The following CCDC148 variants were observed in gnomAD, a reference collection of about 807,000 sequenced individuals.
CCDC148 encodes the protein coiled-coil domain-containing protein 148.
In CCDC148, 89 loss-of-function variants were observed where a neutral mutation model predicts 85.7. The observed-to-expected ratio is 1.04, with a 90% CI of 0.87 to 1.24. The LOEUF is 1.24. CCDC148 is among the 50% of genes most tolerant of loss of function. CCDC148 has a pLI of 0.00. For synonymous variants in CCDC148, 230 were observed against 213.9 expected (o/e 1.08, Z -0.66); for missense variants, 692 against 671.7 (o/e 1.03, Z -0.33).
intron 10 of CCDC148, chr2:158,236,157 CT>C (rs1688096396): frequency 1.3e-5 from 2 of 152,194 alleles, no homozygotes; most frequent in Admixed American, 1.3e-4. Flanking sequence ...ATAAATAACA[CT>C]AATCTCTTTT....
chr2:158,229,465 A>G (rs1574451275), intron 10 of CCDC148, among the ~76,000 whole-genome samples: 1 of 152,346 alleles, frequency 6.6e-6, no homozygotes, highest in East Asian at 1.9e-4. Flanking sequence ...TATGGTTTCA[A>G]TTGAATCTTC....
intron 11 of CCDC148, among the ~76,000 whole-genome samples, chr2:158,205,158 G>A (rs2105286315): frequency 6.6e-6 from 1 of 152,310 alleles, no homozygotes; most frequent in Admixed American, 6.5e-5. Context: ...CAATTCAGGT[G>A]AGAGGATGGT....
intron 1 of CCDC148, among the ~76,000 whole-genome samples, chr2:158,396,078 C>A (rs1164027286): frequency 6.6e-6 from 1 of 152,074 alleles, no homozygotes; most frequent in Admixed American, 6.6e-5. Context: ...CACTCATTGA[C>A]ATGGTTTGAA....
chr2:158,200,443 TA>T lies in CCDC148; in HGVS notation c.1370+20151del, dbSNP rs780477769. On this transcript the variant is annotated intron_variant, in intron 11 of 13. Transcript: ENST00000283233. ...CTGGGACCAAATCCAATCTACTGCT[TA>T]TTTTTATAAATAAAGTTTTATTGGC... Among the ~76,000 whole-genome samples the T allele has an allele frequency of 8.3e-4, 127 of 152,338 alleles. 2 individuals are homozygous for T. In the Middle Eastern group the frequency reaches 0.017, roughly 20 times the overall value.
At chr2:158,285,904 CA>C (rs1187049601) in intron 9 of CCDC148, among the ~76,000 whole-genome samples, 1 of 152,022 alleles carries the variant, frequency 6.6e-6, no homozygotes, top group African/African-American at 2.4e-5. Context: ...TGGCCCTTAT[CA>C]ATGCTTCTAT....
At chr2:158,176,773 G>T in intron 12 of CCDC148, 112 bp from the exon 13 acceptor site, 1 of 1,234,952 alleles carries the variant, frequency 8.1e-7, no homozygotes, top group Non-Finnish European at 1.1e-6. Context: ...TAAAGGTAAA[G>T]CCTGAGAGGA....
At chr2:158,413,875 T>G (rs1036733455) in intron 1 of CCDC148, among the ~76,000 whole-genome samples, 2 of 152,190 alleles carry the variant, frequency 1.3e-5, no homozygotes, top group Non-Finnish European at 2.9e-5. Flanking sequence ...ATCTTTCAAA[T>G]TTTTATCATA....
At chr2:158,225,965 C>T (rs1253478961) in intron 10 of CCDC148, among the ~76,000 whole-genome samples, 6 of 152,140 alleles carry the variant, frequency 3.9e-5, no homozygotes, top group African/African-American at 1.4e-4. Context: ...CAGAGCAGAA[C>T]TGAGGGAAAT....
rs190578054 is a variant in CCDC148, at chr2:158,222,244, T to C, written c.1252-1531A>G. Among the ~76,000 whole-genome samples, 16 of 152,256 alleles carry C rather than the reference T, an allele frequency of 1.1e-4. No individual in the cohort carries two copies. The East Asian group carries it at 3.1e-3, about 29-fold the overall frequency. ...GGCCTTGGAGAAAGTCAGTGGCTCT[T>C]TTGCAGACAATTCCTTGACCACAAG... On this transcript the variant is annotated intron_variant, in intron 10 of 13. Coordinates refer to ENST00000283233, the MANE Select transcript of CCDC148 (RefSeq NM_138803.4).
chr2:158,344,123 C>A (rs77264977), intron 3 of CCDC148, among the ~76,000 whole-genome samples: 8,494 of 152,118 alleles, frequency 0.056, 509 homozygotes, highest in African/African-American at 0.15. Flanking sequence ...ATTAAAGCTT[C>A]CTAATGGCTT....
At chr2:158,298,818 T>G (rs2105196851) in intron 9 of CCDC148, among the ~76,000 whole-genome samples, 1 of 152,310 alleles carries the variant, frequency 6.6e-6, no homozygotes. Flanking sequence ...TATCTTGAGG[T>G]TCTTGTCTTT....
At chr2:158,401,319 G>A (rs893597848) in intron 1 of CCDC148, among the ~76,000 whole-genome samples, 11 of 152,054 alleles carry the variant, frequency 7.2e-5, no homozygotes, top group Non-Finnish European at 1.3e-4. Flanking sequence ...ATCAATAATC[G>A]ACTGGATAAA....
intron 1 of CCDC148, among the ~76,000 whole-genome samples, chr2:158,427,760 C>G (rs894955331): frequency 1.3e-5 from 2 of 152,006 alleles, no homozygotes; most frequent in African/African-American, 4.8e-5. Context: ...ATCTCAGCTA[C>G]CTGGGAGGCC....
At chr2:158,296,054 G>A (rs1691173171) in intron 9 of CCDC148, among the ~76,000 whole-genome samples, 1 of 152,098 alleles carries the variant, frequency 6.6e-6, no homozygotes, top group African/African-American at 2.4e-5. Flanking sequence ...TATTATCTTA[G>A]CAGTGTCTTT....
chr2:158,191,471 A>G (rs1324063521), intron 11 of CCDC148, among the ~76,000 whole-genome samples: 2 of 151,988 alleles, frequency 1.3e-5, no homozygotes, highest in Non-Finnish European at 2.9e-5. Context: ...GGAGCAGAAC[A>G]GTTATTTTCA....
intron 1 of CCDC148, among the ~76,000 whole-genome samples, chr2:158,406,810 A>G (rs1256019032): frequency 1.3e-5 from 2 of 151,642 alleles, no homozygotes; most frequent in Non-Finnish European, 2.9e-5. Context: ...ACTTGTAGAG[A>G]CAGGGTTTTG....
At chr2:158,377,192 T>C (rs1253642719) in intron 1 of CCDC148, among the ~76,000 whole-genome samples, 3 of 150,260 alleles carry the variant, frequency 2.0e-5, no homozygotes, top group African/African-American at 7.4e-5. Context: ...CTAGGGGAAG[T>C]GGAGGAAAAA....
intron 11 of CCDC148, among the ~76,000 whole-genome samples, chr2:158,215,905 C>T (rs1207153959): frequency 1.3e-5 from 2 of 152,084 alleles, no homozygotes; most frequent in Admixed American, 1.3e-4. Context: ...CATGTGAAGT[C>T]ACAGCAAGAA....
intron 13 of CCDC148, among the ~76,000 whole-genome samples, chr2:158,174,798 T>G (rs1008011934): frequency 6.6e-6 from 1 of 152,068 alleles, no homozygotes; most frequent in Admixed American, 6.6e-5. Flanking sequence ...TGCATTGTGC[T>G]ATGATGTTAA....
Sources: gnomAD v4.1 joint callset for allele counts (sites outside exome capture counted in the v4.1 genomes callset) on GRCh38, gnomAD v4.1.1 for gene constraint, MANE v1.5 for transcripts, NCBI Gene and HGNC (gene_info 2026-07-23, HGNC 2026-07-21) for gene names.